Variants in AGBL1 observed in about 807,000 individuals in gnomAD.
AGBL1 encodes the protein AGBL carboxypeptidase 1, also known as cytosolic carboxypeptidase 4.
AGBL1 carries 130 observed loss-of-function variants against 118.9 expected under a neutral mutation model. The observed-to-expected ratio is 1.09, with a 90% confidence interval of 0.95 to 1.26. The LOEUF (loss-of-function observed/expected upper bound fraction) is 1.26. Ranked by LOEUF, AGBL1 falls within the 50% of genes most tolerant of loss-of-function variation. AGBL1 has a pLI of 0.00. For synonymous variants in AGBL1, 555 were observed against 478.9 expected, an observed-to-expected ratio of 1.16 and a Z score of -2.08; for missense variants, 1,584 against 1,298.1, an observed-to-expected ratio of 1.22 and a Z score of -3.38.
intron 18 of AGBL1, among the ~76,000 whole-genome samples, chr15:86,508,490 G>C: frequency 6.6e-6 from 1 of 152,082 alleles, no homozygotes; most frequent in East Asian, 1.9e-4. Flanking sequence ...TCAAATTCAT[G>C]CTTGAAATAC....
chr15:86,779,366 G>A (rs2078300029), intron 22 of AGBL1, among the ~76,000 whole-genome samples: 1 of 152,158 alleles, frequency 6.6e-6, no homozygotes, highest in South Asian at 2.1e-4. Flanking sequence ...CAAGTTTATA[G>A]CATTTGGTTA....
chr15:86,143,554 C>T, intron 2 of AGBL1, 145 bp from the exon 3 acceptor site: 1 of 969,514 alleles, frequency 1.0e-6, no homozygotes. Context: ...ACAACTTTAA[C>T]ACAGGTTGCT....
At chr15:86,413,997 A>G (rs958067523) in intron 18 of AGBL1, among the ~76,000 whole-genome samples, 4 of 152,188 alleles carry the variant, frequency 2.6e-5, no homozygotes, top group African/African-American at 9.7e-5. Flanking sequence ...CAGCCATATA[A>G]AAGAATGAAA....
chr15:86,383,466 A>G (rs544683279), intron 17 of AGBL1, among the ~76,000 whole-genome samples: 172 of 152,064 alleles, frequency 1.1e-3, no homozygotes, highest in African/African-American at 4.0e-3. Context: ...CGGCGCCTGT[A>G]ATCCCAGCTA....
chr15:86,882,797 G>T (rs1389419813), intron 22 of AGBL1, among the ~76,000 whole-genome samples: 1 of 152,134 alleles, frequency 6.6e-6, no homozygotes, highest in Non-Finnish European at 1.5e-5. Flanking sequence ...CTAAGTCTGA[G>T]AGGAGAGAGA....
chr15:86,244,988 A>G (rs2078697505), intron 6 of AGBL1, among the ~76,000 whole-genome samples: 1 of 152,196 alleles, frequency 6.6e-6, no homozygotes, highest in Admixed American at 6.5e-5. Flanking sequence ...AAAGGAGGTA[A>G]TGAAGGCAAT....
At chr15:86,209,562 A>G (rs376374160) in intron 5 of AGBL1, among the ~76,000 whole-genome samples, 2 of 152,142 alleles carry the variant, frequency 1.3e-5, no homozygotes, top group African/African-American at 4.8e-5. Flanking sequence ...CTTTACCATT[A>G]TGCAATGGCC....
intron 17 of AGBL1, among the ~76,000 whole-genome samples, chr15:86,314,749 T>A (rs1431346790): frequency 6.6e-6 from 1 of 152,150 alleles, no homozygotes; most frequent in African/African-American, 2.4e-5. Context: ...CCTGAGCACC[T>A]CACTCAGAAA....
intron 22 of AGBL1, among the ~76,000 whole-genome samples, chr15:86,783,389 A>C (rs2078361318): frequency 6.6e-6 from 1 of 152,214 alleles, no homozygotes; most frequent in African/African-American, 2.4e-5. Context: ...TGTTTAAAGC[A>C]AACTTTTTCA....
intron 6 of AGBL1, among the ~76,000 whole-genome samples, chr15:86,226,838 T>C (rs1157485331): frequency 6.6e-6 from 1 of 152,204 alleles, no homozygotes; most frequent in South Asian, 2.1e-4. Flanking sequence ...CCCTCACCAA[T>C]GCTTTTATAG....
chr15:86,333,165 G>A (rs1014956995), intron 17 of AGBL1, among the ~76,000 whole-genome samples: 17 of 152,104 alleles, frequency 1.1e-4, no homozygotes, highest in African/African-American at 3.6e-4. Context: ...CCCAAAGCTA[G>A]CTGAAGAAAA....
intron 18 of AGBL1, among the ~76,000 whole-genome samples, chr15:86,475,793 T>C (rs2082550149): frequency 6.6e-6 from 1 of 151,928 alleles, no homozygotes. Flanking sequence ...AAAGTTGAAA[T>C]GAAGGAAAAA....
chr15:86,117,710 G>A (rs1298487207), intron 1 of AGBL1, among the ~76,000 whole-genome samples: 1 of 152,058 alleles, frequency 6.6e-6, no homozygotes, highest in Non-Finnish European at 1.5e-5. Flanking sequence ...TCATCAAATG[G>A]GACACGTCAT....
intron 18 of AGBL1, among the ~76,000 whole-genome samples, chr15:86,454,006 T>C (rs2082230467): frequency 6.6e-6 from 1 of 152,210 alleles, no homozygotes; most frequent in East Asian, 1.9e-4. Flanking sequence ...TTTTTTACTC[T>C]TTCTTGTTTT....
chr15:86,168,681 A>G (rs947378929), intron 5 of AGBL1, among the ~76,000 whole-genome samples: 1 of 152,220 alleles, frequency 6.6e-6, no homozygotes, highest in Non-Finnish European at 1.5e-5. Flanking sequence ...TTATGATAAA[A>G]TATTGACTAG....
intron 22 of AGBL1, among the ~76,000 whole-genome samples, chr15:86,824,798 C>G (rs1326112293): frequency 6.6e-6 from 1 of 152,064 alleles, no homozygotes; most frequent in African/African-American, 2.4e-5. Flanking sequence ...TGCCTTACAC[C>G]TAAAATCCCA....
At chr15:86,845,388 A>G (rs570992062) in intron 22 of AGBL1, among the ~76,000 whole-genome samples, 1 of 152,168 alleles carries the variant, frequency 6.6e-6, no homozygotes, top group African/African-American at 2.4e-5. Flanking sequence ...TGTACACTCT[A>G]TTGTTTACCG....
At chr15:86,411,319 T>G (rs1432229654) in intron 18 of AGBL1, among the ~76,000 whole-genome samples, 1 of 151,992 alleles carries the variant, frequency 6.6e-6, no homozygotes, top group Non-Finnish European at 1.5e-5. Context: ...AAGCCCAGTT[T>G]CCTAGAAAAG....
intron 17 of AGBL1, among the ~76,000 whole-genome samples, chr15:86,322,409 T>C (rs1466134466): frequency 6.6e-6 from 1 of 152,208 alleles, no homozygotes; most frequent in Non-Finnish European, 1.5e-5. Context: ...GTAGTGATTT[T>C]CTTTACCTTA....
Sources: allele counts gnomAD v4.1 joint callset (sites outside exome capture counted in the v4.1 genomes callset), GRCh38; gene constraint gnomAD v4.1.1; transcripts MANE v1.5; gene names NCBI Gene and HGNC (gene_info 2026-07-23, HGNC 2026-07-21).